Variants in NTM observed in about 807,000 individuals in gnomAD.
NTM encodes IgLON family member 2.
NTM carries 13 observed loss-of-function variants against 42.1 expected under a neutral mutation model. The ratio of observed to expected loss-of-function variants is 0.31; its 90% CI spans 0.20 to 0.49. The LOEUF is 0.49. NTM is among the 20% of genes least tolerant of loss of function. The pLI is 0.99. For missense variants in NTM, 373 were observed against 452.8 expected (o/e 0.82, Z 1.60); for synonymous variants, 187 against 179.2 (o/e 1.04, Z -0.35).
At chr11:131,766,491 C>A (rs1461179119) in intron 1 of NTM, among the ~76,000 whole-genome samples, 2 of 152,096 alleles carry the variant, frequency 1.3e-5, no homozygotes, top group Non-Finnish European at 2.9e-5. Flanking sequence ...GGAGGTACGT[C>A]AAGGCTGTCA....
At chr11:131,678,845 C>T (rs751320678) in intron 1 of NTM, among the ~76,000 whole-genome samples, 3 of 152,102 alleles carry the variant, frequency 2.0e-5, no homozygotes, top group African/African-American at 4.8e-5. Context: ...CAAGGCTGTC[C>T]GGGACGGGGC....
chr11:131,953,711 A>G (rs566393387), intron 2 of NTM, among the ~76,000 whole-genome samples: 2 of 152,320 alleles, frequency 1.3e-5, no homozygotes, highest in South Asian at 4.2e-4. Flanking sequence ...AGGCTTCTGT[A>G]GAGCATCAAT....
chr11:131,480,099 A>C (rs1174041115), intron 1 of NTM, among the ~76,000 whole-genome samples: 1 of 151,148 alleles, frequency 6.6e-6, no homozygotes, highest in Non-Finnish European at 1.5e-5. Flanking sequence ...TTTGAAAAAA[A>C]TACTGCATTC....
At chr11:132,059,905 C>G (rs1440186438) in intron 2 of NTM, among the ~76,000 whole-genome samples, 1 of 152,204 alleles carries the variant, frequency 6.6e-6, no homozygotes, top group Non-Finnish European at 1.5e-5. Context: ...ATGGACTCCC[C>G]TCCTGCAATG....
chr11:132,044,248 G>A (rs776525037), intron 2 of NTM, among the ~76,000 whole-genome samples: 6 of 152,090 alleles, frequency 3.9e-5, no homozygotes, highest in Non-Finnish European at 7.4e-5. Context: ...ATAACTTGTG[G>A]CACTTCAGTC....
At position 132,307,702 on chromosome 11, in the gene NTM, G is replaced by A; in HGVS notation, c.540G>A (p.Val180=). Reference sequence around the variant, plus strand: ...GTTTTCCCGCAGCGGTTGGCTTTGTGAGTGAAGACGAATACTTGGAAATTC... The same window carrying A: ...GTTTTCCCGCAGCGGTTGGCTTTGTAAGTGAAGACGAATACTTGGAAATTC... ...RHISPKAVGF[V]SEDEYLEIQG... Residue 180 remains valine (V), a synonymous_variant, in exon 5 of 9, where the codon GTG becomes GTA. Coordinates refer to ENST00000683400, the MANE Select transcript of NTM (RefSeq NM_001352005.2). 1 of 1,614,194 alleles carries A rather than the reference G, an allele frequency of 6.2e-7. No individual in the cohort carries two copies. Among genetic ancestry groups the A allele is most frequent in the Non-Finnish European group, 8.5e-7 (1 of 1,180,032 alleles).
chr11:132,290,706 C>T (rs1375171353), intron 4 of NTM, among the ~76,000 whole-genome samples: 1 of 152,000 alleles, frequency 6.6e-6, no homozygotes, highest in Admixed American at 6.6e-5. Context: ...GATAAATAAC[C>T]CATCCATTTT....
intron 2 of NTM, among the ~76,000 whole-genome samples, chr11:132,023,398 A>G (rs1185146152): frequency 2.6e-5 from 4 of 152,218 alleles, no homozygotes; most frequent in African/African-American, 9.7e-5. Flanking sequence ...TTCAATATGA[A>G]GCTGAACAGC....
intron 1 of NTM, among the ~76,000 whole-genome samples, chr11:131,607,037 C>T (rs1018061034): frequency 6.6e-6 from 1 of 152,198 alleles, no homozygotes; most frequent in African/African-American, 2.4e-5. Flanking sequence ...TGGGTAATCC[C>T]CTTTGATGCC....
chr11:131,825,027 A>C (rs980571011), intron 1 of NTM, among the ~76,000 whole-genome samples: 4 of 152,170 alleles, frequency 2.6e-5, no homozygotes, highest in African/African-American at 4.8e-5. Flanking sequence ...ACAATCCTGG[A>C]AACTAGAAGT....
At chr11:131,935,907 A>T (rs1270504813) in intron 2 of NTM, among the ~76,000 whole-genome samples, 4 of 152,156 alleles carry the variant, frequency 2.6e-5, no homozygotes, top group Non-Finnish European at 5.9e-5. Context: ...ATTAATACTG[A>T]TACTTTGTTC....
intron 1 of NTM, chr11:131,503,031 T>C (rs2047029987): frequency 6.6e-6 from 1 of 151,880 alleles, no homozygotes; most frequent in Non-Finnish European, 1.5e-5. Context: ...CTCAGGGAGG[T>C]TTATGGGTCA....
chr11:131,461,570 G>A (rs1328234809), intron 1 of NTM, among the ~76,000 whole-genome samples: 1 of 152,068 alleles, frequency 6.6e-6, no homozygotes. Context: ...GAGATGATGG[G>A]CAAAGGATAC....
intron 2 of NTM, among the ~76,000 whole-genome samples, chr11:132,065,969 T>G (rs1790172): frequency 0.39 from 59,440 of 152,110 alleles, 11,978 homozygotes; most frequent in South Asian, 0.52. Flanking sequence ...TGGTAAGTCT[T>G]TATTTTTTTT....
At chr11:132,111,214 A>G (rs1051453213) in intron 2 of NTM, among the ~76,000 whole-genome samples, 4 of 150,656 alleles carry the variant, frequency 2.7e-5, no homozygotes, top group African/African-American at 9.7e-5. Context: ...GTCCCCAGAA[A>G]TTTATGTGCA....
intron 2 of NTM, among the ~76,000 whole-genome samples, chr11:132,005,180 G>A (rs2070486028): frequency 6.6e-6 from 1 of 152,144 alleles, no homozygotes; most frequent in Non-Finnish European, 1.5e-5. Context: ...TCCCATGCAT[G>A]GAGATTGTCA....
chr11:132,245,016 A>G (rs1188192275), intron 4 of NTM, among the ~76,000 whole-genome samples: 1 of 152,162 alleles, frequency 6.6e-6, no homozygotes, highest in Non-Finnish European at 1.5e-5. Context: ...CAGTCATAAA[A>G]TTTTCATTTC....
intron 2 of NTM, among the ~76,000 whole-genome samples, chr11:131,921,397 G>T (rs2057207121): frequency 1.3e-5 from 2 of 152,118 alleles, no homozygotes; most frequent in South Asian, 4.2e-4. Context: ...TTGCCAGCAA[G>T]CAGCCAGGAA....
intron 1 of NTM, among the ~76,000 whole-genome samples, chr11:131,722,786 G>A (rs2135412385): frequency 6.6e-6 from 1 of 152,248 alleles, no homozygotes; most frequent in Non-Finnish European, 1.5e-5. Flanking sequence ...TCTATTGTTG[G>A]TATGGCACAA....
Sources: gnomAD v4.1 joint callset for allele counts (sites outside exome capture counted in the v4.1 genomes callset) on GRCh38, gnomAD v4.1.1 for gene constraint, MANE v1.5 for transcripts, NCBI Gene and HGNC (gene_info 2026-07-23, HGNC 2026-07-21) for gene names.